Variants in HCN1 observed in about 807,000 individuals in gnomAD.
The protein encoded by HCN1 is hyperpolarization activated cyclic nucleotide gated potassium channel 1.
A neutral mutation model predicts 78.9 loss-of-function variants in HCN1; 13 were observed. That is an observed-to-expected ratio of 0.16 (90% confidence interval 0.11 to 0.26). HCN1 has a LOEUF of 0.26. HCN1 is among the 10% of genes least tolerant of loss of function. The pLI is 1.00. For synonymous variants in HCN1, 552 were observed against 455.5 expected, an observed-to-expected ratio of 1.21 and a Z score of -2.70; for missense variants, 810 against 1,154.3, an observed-to-expected ratio of 0.70 and a Z score of 4.32.
intron 3 of HCN1, among the ~76,000 whole-genome samples, chr5:45,397,971 T>A (rs1739717542): frequency 6.6e-6 from 1 of 151,606 alleles, no homozygotes. Context: ...TAAATTTAAA[T>A]TTAAATTTTA....
chr5:45,295,171 T>C (rs1331716247), intron 6 of HCN1, among the ~76,000 whole-genome samples: 2 of 151,940 alleles, frequency 1.3e-5, no homozygotes, highest in African/African-American at 4.8e-5. Flanking sequence ...TTTATGCCCA[T>C]TCACCATCAC....
chr5:45,517,415 T>C (rs1370901486), intron 2 of HCN1, among the ~76,000 whole-genome samples: 1 of 150,184 alleles, frequency 6.7e-6, no homozygotes, highest in African/African-American at 2.5e-5. Context: ...TATTCATGCA[T>C]ACATTCATAT....
In HCN1 at chr5:45,571,416, C is replaced by A. The variant is rs937970032; in HGVS notation, c.849+73769G>T. Among the ~76,000 whole-genome samples, 5 of 152,136 alleles carry A rather than the reference C, an allele frequency of 3.3e-5. No individual in the cohort carries two copies. The South Asian group carries it at 1.0e-3, about 32-fold the overall frequency. The stretch of plus-strand genomic sequence containing the variant: ...TTTTGGATATTTTATTATCTGGACA[C>A]GCAAACTGGAGTTGCTATACCATAT... On this transcript the variant is annotated intron_variant, in intron 2 of 7. Transcript: ENST00000303230.
At chr5:45,318,678 A>C (rs958019534) in intron 5 of HCN1, among the ~76,000 whole-genome samples, 1 of 152,002 alleles carries the variant, frequency 6.6e-6, no homozygotes, top group East Asian at 1.9e-4. Flanking sequence ...AGGATTATTC[A>C]TGTTCATTAT....
chr5:45,549,694 A>C (rs1743318858), intron 2 of HCN1, among the ~76,000 whole-genome samples: 1 of 152,206 alleles, frequency 6.6e-6, no homozygotes, highest in South Asian at 2.1e-4. Context: ...AGAAACTACC[A>C]TCAGAGTGAA....
chr5:45,437,552 T>A (rs1435360794), intron 3 of HCN1, among the ~76,000 whole-genome samples: 4 of 152,210 alleles, frequency 2.6e-5, no homozygotes, highest in Non-Finnish European at 5.9e-5. Context: ...CACAACAAAT[T>A]TGTCACATTA....
At chr5:45,365,940 C>T (rs1747225348) in intron 4 of HCN1, among the ~76,000 whole-genome samples, 1 of 151,672 alleles carries the variant, frequency 6.6e-6, no homozygotes, top group East Asian at 1.9e-4. Context: ...CTTAAATGAC[C>T]TCCCATTTAA....
At chr5:45,571,257 C>T (rs1743827294) in intron 2 of HCN1, among the ~76,000 whole-genome samples, 2 of 152,080 alleles carry the variant, frequency 1.3e-5, no homozygotes, top group South Asian at 4.1e-4. Context: ...AGTAAACAAA[C>T]CCAGTAATCC....
chr5:45,345,455 C>T (rs570215878), intron 5 of HCN1, among the ~76,000 whole-genome samples: 63 of 152,122 alleles, frequency 4.1e-4, no homozygotes, highest in South Asian at 1.0e-3. Context: ...TACATGGTCA[C>T]GCTGCAAAAT....
chr5:45,263,479 AAC>A (rs1252226958), intron 7 of HCN1, among the ~76,000 whole-genome samples: 3 of 152,158 alleles, frequency 2.0e-5, no homozygotes, highest in African/African-American at 7.2e-5. Context: ...GCTTGCTAGA[AAC>A]TCAGCCTCCT....
intron 5 of HCN1, among the ~76,000 whole-genome samples, chr5:45,310,490 GTTA>G (rs759166196): frequency 1.3e-4 from 20 of 152,130 alleles, no homozygotes; most frequent in Non-Finnish European, 2.6e-4. Flanking sequence ...AGTCACAATG[GTTA>G]TTATTAAAAA....
intron 6 of HCN1, among the ~76,000 whole-genome samples, chr5:45,296,788 C>T (rs1284387617): frequency 6.6e-6 from 1 of 151,816 alleles, no homozygotes; most frequent in African/African-American, 2.4e-5. Context: ...CCTGGGGACC[C>T]TAAAAGAGAA....
At chr5:45,341,258 A>T (rs1746574644) in intron 5 of HCN1, among the ~76,000 whole-genome samples, 2 of 152,194 alleles carry the variant, frequency 1.3e-5, no homozygotes, top group African/African-American at 4.8e-5. Context: ...AAAAAATTCA[A>T]CCTGTTTTTG....
intron 2 of HCN1, among the ~76,000 whole-genome samples, chr5:45,594,369 G>A (rs1442029031): frequency 2.0e-5 from 3 of 152,152 alleles, no homozygotes; most frequent in Non-Finnish European, 4.4e-5. Context: ...TAATAGAAAT[G>A]CTAGTGAAAT....
intron 4 of HCN1, among the ~76,000 whole-genome samples, chr5:45,369,811 T>A (rs916547015): frequency 2.6e-4 from 40 of 152,060 alleles, no homozygotes; most frequent in African/African-American, 9.7e-4. Context: ...TTATTCCGGA[T>A]CATGAGCATA....
At chr5:45,583,741 G>T (rs894825024) in intron 2 of HCN1, among the ~76,000 whole-genome samples, 2 of 151,996 alleles carry the variant, frequency 1.3e-5, no homozygotes, top group Non-Finnish European at 2.9e-5. Flanking sequence ...GTTCTCGTTG[G>T]TTTCAAAGAA....
intron 1 of HCN1, among the ~76,000 whole-genome samples, chr5:45,646,486 G>A (rs531498948): frequency 2.0e-5 from 3 of 147,188 alleles, no homozygotes; most frequent in Non-Finnish European, 3.0e-5. Context: ...TTCTCCTCCC[G>A]CCTCAGCCTC....
At chr5:45,628,153 T>C (rs1745202763) in intron 2 of HCN1, among the ~76,000 whole-genome samples, 1 of 152,146 alleles carries the variant, frequency 6.6e-6, no homozygotes. Flanking sequence ...GCAACTTGTA[T>C]TTTCATACAT....
intron 4 of HCN1, among the ~76,000 whole-genome samples, chr5:45,355,982 C>T (rs1485776271): frequency 6.6e-5 from 10 of 151,892 alleles, no homozygotes; most frequent in African/African-American, 1.9e-4. Flanking sequence ...TTGTCTGTTT[C>T]TCCCACACCT....
Sources: gnomAD v4.1 joint callset for allele counts (sites outside exome capture counted in the v4.1 genomes callset) on GRCh38, gnomAD v4.1.1 for gene constraint, MANE v1.5 for transcripts, NCBI Gene and HGNC (gene_info 2026-07-23, HGNC 2026-07-21) for gene names.